HAUS3: variants seen among roughly 807,000 people sequenced by gnomAD.
The protein encoded by HAUS3 is HAUS augmin like complex subunit 3, also known as HAUS augmin-like complex subunit 3.
In HAUS3, 36 loss-of-function variants were observed where a neutral mutation model predicts 55.2. The ratio of observed to expected loss-of-function variants is 0.65; its 90% CI spans 0.50 to 0.86. The LOEUF is 0.86. HAUS3 is among the 40% of genes least tolerant of loss of function. The pLI, the probability that HAUS3 is intolerant of heterozygous loss-of-function variation, is 0.00. For synonymous variants in HAUS3, 234 were observed against 238.6 expected (o/e 0.98, Z 0.18); for missense variants, 752 against 671.5 (o/e 1.12, Z -1.33).
At chr4:2,241,935 G>T in intron 1 of HAUS3, 116 bp downstream of exon 1, 9 of 985,576 alleles carry the variant, frequency 9.1e-6, no homozygotes, top group Non-Finnish European at 1.1e-5. Flanking sequence ...TGGAGCACCT[G>T]GAAGGAGCCC....
rs1734583430 is a variant in HAUS3 at position 2,231,651 on chromosome 4, T to G, written c.*276A>C. ...TATTTCTAAAAAGGAGAGAGATAAC[T>G]ATATTAAAAAATATTTGCATTATGT... On this transcript the variant is annotated 3_prime_UTR_variant, in exon 6 of 6. Transcript: ENST00000443786. 2 of 209,830 alleles carry G rather than the reference T, an allele frequency of 9.5e-6. No homozygotes were observed. The highest frequency in any genetic ancestry group is 1.2e-4 in the East Asian group (1 of 8,402). The allele number at this position is 209,830 out of a possible 1,614,324, so 13.0% of individuals were successfully genotyped here.
rs115120804 is a variant in HAUS3, at chr4:2,233,099, G to A, written c.1579-939C>T. 2.1e-3 allele frequency among the ~76,000 whole-genome samples: 319 copies of A among 152,248 alleles called. 1 individual carries two copies. Among genetic ancestry groups the A allele is most frequent in the African/African-American group, 7.2e-3 (299 of 41,558 alleles). Reference sequence around the variant, plus strand: ...TGACTACTTAAGACCTGTCATAAATGCCAATTCACAGAGGAGTACTTCTTA... The same window carrying A: ...TGACTACTTAAGACCTGTCATAAATACCAATTCACAGAGGAGTACTTCTTA... On this transcript the variant is annotated intron_variant, in intron 5 of 5. Transcript: ENST00000443786.
chr4:2,237,425 G>C (rs548296212), intron 4 of HAUS3, among the ~76,000 whole-genome samples: 18 of 151,630 alleles, frequency 1.2e-4, no homozygotes, highest in African/African-American at 4.1e-4. Flanking sequence ...AAGAGAGTGA[G>C]ACCTTGTCTT....
chr4:2,241,611 T>G lies in HAUS3; in HGVS notation c.-239A>C, dbSNP rs751742672. On this transcript the variant is annotated 5_prime_UTR_variant, in exon 2 of 6. Transcript: ENST00000443786. Reference sequence around the variant, plus strand: ...GCAGCAGGGAAGCGCGCGGCCACAATTAAGGGTGCTTCGGGCCGGCCTTCA... The same window carrying G: ...GCAGCAGGGAAGCGCGCGGCCACAAGTAAGGGTGCTTCGGGCCGGCCTTCA... The G allele has an allele frequency of 1.0e-6, 1 of 985,108 alleles. No homozygotes were observed. Among genetic ancestry groups the G allele is most frequent in the Non-Finnish European group, 1.2e-6 (1 of 829,938 alleles). 61.0% of individuals were successfully genotyped at this position (985,108 alleles called of 1,614,324 possible). A position where few individuals can be genotyped will look rare whatever the true frequency, so the allele number is the denominator to read the frequency against.
intron 2 of HAUS3, 62 bp downstream of exon 2, chr4:2,241,454 GCCCT>G (rs1342103853): frequency 1.9e-5 from 19 of 975,002 alleles, no homozygotes; most frequent in Non-Finnish European, 2.1e-5. Context: ...TCTCTTCCCT[GCCCT>G]CCGTACGTAA....
At position 2,230,792 on chromosome 4, in the gene HAUS3, C is replaced by T. The variant is rs550033408; in HGVS notation, c.*1135G>A. 2.6e-5 allele frequency: 4 copies of T among 152,074 alleles called. No individual in the cohort carries two copies. The East Asian group carries it at 5.8e-4, about 22-fold the overall frequency. The allele number at this position is 152,074 out of a possible 1,614,324, so 9.4% of individuals were successfully genotyped here. On this transcript the variant is annotated 3_prime_UTR_variant, in exon 6 of 6. Coordinates refer to ENST00000443786, the MANE Select transcript of HAUS3 (RefSeq NM_001303143.2). ...AGCTCACATGGTATTTACCACAGGC[C>T]ATGTATAAATTGGGCACTCAAGAAG...
chr4:2,235,212 C>T (rs984574757), intron 5 of HAUS3, among the ~76,000 whole-genome samples: 23 of 152,160 alleles, frequency 1.5e-4, no homozygotes, highest in African/African-American at 5.3e-4. Flanking sequence ...AATCCACCAT[C>T]GCAGTGGAAA....
chr4:2,241,135 A>ATTTT, intron 2 of HAUS3, 42 bp from the exon 3 acceptor site: 1 of 511,908 alleles, frequency 2.0e-6, no homozygotes, highest in Admixed American at 3.9e-5. Flanking sequence ...AAATATGACG[A>ATTTT]CAGTGTTTTT....
Position 2,240,640 on chromosome 4 carries a change from C to T in HAUS3, c.307G>A (p.Glu103Lys), listed in dbSNP as rs1302762214. Residue 103 changes from glutamate (E) to lysine (K), a missense_variant, in exon 3 of 6, where the codon GAG becomes AAG. Glu to Lys is a moderately conservative substitution (Grantham distance 56, BLOSUM62 1). Coordinates refer to ENST00000443786, the MANE Select transcript of HAUS3 (RefSeq NM_001303143.2). ...RLDDKELEKLEDEVQTLLKLK... is the reference protein window; with the variant it reads ...RLDDKELEKLKDEVQTLLKLK... The stretch of plus-strand genomic sequence containing the variant: ...TTCAGTAGAGTTTGAACCTCATCCT[C>T]TAATTTCTCCAGCTCTTTATCATCC... 2 of 1,613,700 alleles carry T rather than the reference C, an allele frequency of 1.2e-6. No homozygotes were observed. The highest frequency in any genetic ancestry group is 1.6e-4 in the Middle Eastern group (1 of 6,062).
At position 2,238,650 on chromosome 4, in the gene HAUS3, T is replaced by A. The variant is rs147357419; in HGVS notation, c.1303A>T (p.Ile435Leu). The A allele has an allele frequency of 1.2e-6, 2 of 1,611,572 alleles. No individual in the cohort carries two copies. Among genetic ancestry groups the A allele is most frequent in the African/African-American group, 2.7e-5 (2 of 75,004 alleles). ...GTATCAATGGTATTCCTTGGATTTA[T>A]CTGTTGAGAAACTGATGGATCTGTT... is the stretch of plus-strand genomic sequence containing the variant. Reference protein sequence around the residue: ...MLTDPSVSQQINPRNTIDTKD... With the variant: ...MLTDPSVSQQLNPRNTIDTKD... Residue 435 changes from isoleucine (I) to leucine (L), a missense_variant, in exon 4 of 6, where the codon ATA (isoleucine) becomes TTA (leucine). Physicochemically the swap from Ile to Leu is conservative, Grantham distance 5. Coordinates refer to ENST00000443786, the MANE Select transcript of HAUS3 (RefSeq NM_001303143.2).
At chr4:2,234,129 C>T (rs895807589) in intron 5 of HAUS3, 1 of 152,102 alleles carries the variant, frequency 6.6e-6, no homozygotes, top group Non-Finnish European at 1.5e-5. Flanking sequence ...GTAATTAAAT[C>T]AAGACAGTAT....
In HAUS3 at chr4:2,231,858, T is replaced by A. The variant is rs999459668; in HGVS notation, c.*69A>T. On this transcript the variant is annotated 3_prime_UTR_variant, in exon 6 of 6. Coordinates refer to ENST00000443786, the MANE Select transcript of HAUS3 (RefSeq NM_001303143.2). Reference sequence around the variant, plus strand: ...ACCTCAAATTTTAAAAATTTAGTAGTGTTTATTATACACAGTCTTCTAATA... The same window carrying A: ...ACCTCAAATTTTAAAAATTTAGTAGAGTTTATTATACACAGTCTTCTAATA... The A allele has an allele frequency of 3.3e-5, 23 of 687,238 alleles. No homozygotes were observed. The African/African-American group carries it at 3.4e-4, about 10-fold the overall frequency. 42.6% of individuals were successfully genotyped at this position (687,238 alleles called of 1,614,324 possible).
chr4:2,240,816 C>G lies in HAUS3; in HGVS notation c.131G>C (p.Cys44Ser), dbSNP rs750829501. 6.2e-7 allele frequency: 1 copy of G among 1,613,902 alleles called. No individual in the cohort carries two copies. The highest frequency in any genetic ancestry group is 1.7e-5 in the Admixed American group (1 of 59,996). The stretch of plus-strand genomic sequence containing the variant: ...CACGTTCTGTTCATTCACATTCCCA[C>G]AAAACCACTTCAGAAACGATTCATC... ...VEDESFLKWF[C>S]GNVNEQNVLS... The change falls in exon 3 of 6, where the codon TGT (cysteine) becomes TCT (serine). Residue 44 changes from cysteine (C) to serine (S), a missense_variant. By Grantham distance (112) the Cys-to-Ser change is moderately radical (BLOSUM62 -1). Coordinates refer to ENST00000443786, the MANE Select transcript of HAUS3 (RefSeq NM_001303143.2).
At chr4:2,236,567 T>A in intron 4 of HAUS3, 111 bp from the exon 5 acceptor site, 1 of 737,804 alleles carries the variant, frequency 1.4e-6, no homozygotes, top group East Asian at 2.7e-5. Flanking sequence ...TAACAACTTA[T>A]AAAAATATTG....
intron 5 of HAUS3, among the ~76,000 whole-genome samples, chr4:2,235,664 T>C (rs1399824132): frequency 6.6e-6 from 1 of 152,218 alleles, no homozygotes; most frequent in Non-Finnish European, 1.5e-5. Context: ...ACCTTCAATA[T>C]ACATGCCTTT....
Position 2,230,270 on chromosome 4 carries a change from G to C in HAUS3, c.*1657C>G, listed in dbSNP as rs1267340036. ...AGATCATTCCACTGAACTCCAGCCT[G>C]AGTGACACAGTTAGACTCTGTCTCA... On this transcript the variant is annotated 3_prime_UTR_variant, in exon 6 of 6. Coordinates refer to ENST00000443786, the MANE Select transcript of HAUS3 (RefSeq NM_001303143.2). 1 of 152,172 alleles carries C rather than the reference G, an allele frequency of 6.6e-6. No homozygotes were observed. Among genetic ancestry groups the C allele is most frequent in the East Asian group, 1.9e-4 (1 of 5,208 alleles). 9.4% of individuals were successfully genotyped at this position (152,172 alleles called of 1,614,324 possible).
In HAUS3 at chr4:2,230,774, A is replaced by G. The variant is rs1309561722; in HGVS notation, c.*1153T>C. 1.3e-5 allele frequency: 2 copies of G among 152,162 alleles called. No homozygotes were observed. The highest frequency in any genetic ancestry group is 2.4e-5 in the African/African-American group (1 of 41,430). The allele number at this position is 152,162 out of a possible 1,614,324, so 9.4% of individuals were successfully genotyped here. A position where few individuals can be genotyped will look rare whatever the true frequency, so the allele number is the denominator to read the frequency against. On this transcript the variant is annotated 3_prime_UTR_variant, in exon 6 of 6. Coordinates refer to ENST00000443786, the MANE Select transcript of HAUS3 (RefSeq NM_001303143.2). ...TTAAAGGTATTCCTACAAAGCTCAC[A>G]TGGTATTTACCACAGGCCATGTATA...
chr4:2,236,402 A>G lies in HAUS3; in HGVS notation c.1404T>C (p.His468=). 2 of 1,613,738 alleles carry G rather than the reference A, an allele frequency of 1.2e-6. No homozygotes were observed. The highest frequency in any genetic ancestry group is 1.7e-6 in the Non-Finnish European group (2 of 1,179,726). Residue 468 remains histidine, a synonymous_variant, in exon 5 of 6, where the codon CAT becomes CAC. Coordinates refer to ENST00000443786, the MANE Select transcript of HAUS3 (RefSeq NM_001303143.2). The part of the protein sequence containing the change: ...ENKKKELFLT[H]GNLEEVAEKL... ...TCTCAGCCACTTCCTCAAGGTTTCC[A>G]TGAGTTAGAAACAATTCTTTTTTCT...
intron 5 of HAUS3, among the ~76,000 whole-genome samples, chr4:2,235,706 T>C (rs1282450659): frequency 6.6e-6 from 1 of 152,158 alleles, no homozygotes; most frequent in African/African-American, 2.4e-5. Flanking sequence ...TAACAGCACA[T>C]AAAGTTCAAC....
Sources: gnomAD v4.1 joint callset for allele counts (sites outside exome capture counted in the v4.1 genomes callset) on GRCh38, gnomAD v4.1.1 for gene constraint, MANE v1.5 for transcripts, NCBI Gene and HGNC (gene_info 2026-07-23, HGNC 2026-07-21) for gene names.